Variants in PRKRA observed in about 807,000 individuals in gnomAD.
PRKRA encodes protein activator of interferon induced protein kinase EIF2AK2.
A neutral mutation model predicts 32.4 loss-of-function variants in PRKRA; 22 were observed. That is an observed-to-expected ratio of 0.68 (90% CI 0.49 to 0.97). The LOEUF is 0.97. Ranked by LOEUF, PRKRA falls within the 50% of genes least tolerant of loss-of-function variation. PRKRA has a pLI of 0.00. For missense variants in PRKRA, 319 were observed against 375.6 expected (o/e 0.85, Z 1.25); for synonymous variants, 139 against 129.8 (o/e 1.07, Z -0.48).
chr2:178,439,915 T>C (rs983264245), intron 6 of PRKRA: 18 of 152,194 alleles, frequency 1.2e-4, no homozygotes, highest in African/African-American at 4.3e-4. Context: ...TATTTTAATA[T>C]TGTACTGAAC....
At chr2:178,448,591 CA>C (rs574367993) in intron 2 of PRKRA, among the ~76,000 whole-genome samples, 9 of 144,122 alleles carry the variant, frequency 6.2e-5, no homozygotes, top group African/African-American at 1.3e-4. Flanking sequence ...GACCCTGTCT[CA>C]AAAAAAAAAG....
rs1284502640 is a variant in PRKRA at position 178,450,399 on chromosome 2, C to T, written c.78G>A (p.Met26Ile). ...GTGTTTTCCCTGGCTTAGCTGTTAT[C>T]ATCTTCCCCAAACTGCAAAAACCAC... ...EDSGTFSLGKMITAKPGKTPI... is the reference protein window; with the variant it reads ...EDSGTFSLGKIITAKPGKTPI... The change falls in exon 2 of 8, where the codon ATG becomes ATA. Residue 26 changes from methionine to isoleucine, a missense_variant. Met to Ile is a conservative substitution (Grantham distance 10, BLOSUM62 1). Transcript: ENST00000325748. 1.2e-6 allele frequency: 2 copies of T among 1,614,144 alleles called. No individual in the cohort carries two copies. Among genetic ancestry groups the T allele is most frequent in the African/African-American group, 2.7e-5 (2 of 74,946 alleles).
chr2:178,443,442 G>A (rs1697195810), intron 4 of PRKRA, 58 bp from the exon 5 acceptor site: 2 of 806,924 alleles, frequency 2.5e-6, no homozygotes, highest in Admixed American at 2.5e-5. Context: ...AATCACATAA[G>A]TGTTTTCTTA....
intron 3 of PRKRA, among the ~76,000 whole-genome samples, chr2:178,446,699 C>T (rs1697323077): frequency 6.6e-6 from 1 of 152,100 alleles, no homozygotes; most frequent in African/African-American, 2.4e-5. Context: ...GCTCCAGGAC[C>T]AATATTCTAT....
chr2:178,450,774 C>A, intron 1 of PRKRA, 192 bp downstream of exon 1: 2 of 1,346,836 alleles, frequency 1.5e-6, no homozygotes, highest in Non-Finnish European at 9.5e-7. Flanking sequence ...CCAGGGACCA[C>A]GAGAGGGGCG....
In PRKRA at chr2:178,450,275, A is replaced by G. The variant is rs1445799639; in HGVS notation, c.202T>C (p.Phe68Leu). The G allele has an allele frequency of 1.2e-6, 2 of 1,614,162 alleles. No individual in the cohort carries two copies. The highest frequency in any genetic ancestry group is 1.7e-6 in the Non-Finnish European group (2 of 1,180,060). ...GTTATGTCACCAACGGTTACTCTGAAGGTGAAAGTGGGCACGTGTATTTGC... is the reference window on the plus strand; with the variant it reads ...GTTATGTCACCAACGGTTACTCTGAGGGTGAAAGTGGGCACGTGTATTTGC... ...DVQIHVPTFT[F>L]RVTVGDITCT... The change falls in exon 2 of 8, where the codon TTC (phenylalanine) becomes CTC (leucine). Residue 68 changes from phenylalanine (F) to leucine (L), a missense_variant. Transcript: ENST00000325748.
chr2:178,450,742 C>A, intron 1 of PRKRA: 2 of 1,358,232 alleles, frequency 1.5e-6, no homozygotes, highest in East Asian at 5.7e-5. Flanking sequence ...CCGAGCGTCA[C>A]CTCCGCCCGC....
Position 178,436,197 on chromosome 2 carries a change from C to T in PRKRA, c.732G>A (p.Leu244=), listed in dbSNP as rs373322166. ...CTTGTTCCTTGGCAATTTCACTAAG[C>T]AGCTGGATGTAATCTGTATTTGGAA... The part of the protein sequence containing the change: ...LSIPNTDYIQ[L]LSEIAKEQGF... The change falls in exon 7 of 8, where the codon CTG becomes CTA. Residue 244 remains leucine, a synonymous_variant. Coordinates refer to ENST00000325748, the MANE Select transcript of PRKRA (RefSeq NM_003690.5). 12 of 1,612,506 alleles carry T rather than the reference C, an allele frequency of 7.4e-6. No individual in the cohort carries two copies. In the African/African-American group the frequency reaches 1.6e-4, roughly 22 times the overall value.
At chr2:178,450,672 C>G (rs1412264373) in intron 1 of PRKRA, 3 of 1,424,796 alleles carry the variant, frequency 2.1e-6, no homozygotes, top group Middle Eastern at 2.6e-4. Context: ...CAGAACAGGG[C>G]TGGCAGCAGC....
rs1310589099 is a variant in PRKRA, at chr2:178,451,107, C to T, written c.-77G>A. 22 of 1,481,076 alleles carry T rather than the reference C, an allele frequency of 1.5e-5. No homozygotes were observed. Among genetic ancestry groups the T allele is most frequent in the Non-Finnish European group, 2.0e-5 (22 of 1,109,300 alleles). The allele number at this position is 1,481,076 out of a possible 1,614,324, so 91.7% of individuals were successfully genotyped here. ...GCTCGCTCCCCGGGTCGCTGGTCCCCGGGAGGAGCTCCAGCGCCGCCACCT... is the reference window on the plus strand; with the variant it reads ...GCTCGCTCCCCGGGTCGCTGGTCCCTGGGAGGAGCTCCAGCGCCGCCACCT... On this transcript the variant is annotated 5_prime_UTR_variant, in exon 1 of 8. Transcript: ENST00000325748.
At chr2:178,441,081 AT>A (rs1697095915) in intron 6 of PRKRA, among the ~76,000 whole-genome samples, 3 of 152,134 alleles carry the variant, frequency 2.0e-5, no homozygotes, top group Admixed American at 1.3e-4. Flanking sequence ...TGGCTTAGAC[AT>A]TACTTCTTCC....
chr2:178,432,830 T>C (rs1696725040), intron 7 of PRKRA, among the ~76,000 whole-genome samples: 1 of 152,204 alleles, frequency 6.6e-6, no homozygotes, highest in Non-Finnish European at 1.5e-5. Context: ...TTCATGTTCC[T>C]AGGTTTTAAG....
chr2:178,449,485 TTC>T (rs755866153), intron 2 of PRKRA, among the ~76,000 whole-genome samples: 22 of 152,336 alleles, frequency 1.4e-4, no homozygotes, highest in East Asian at 3.8e-4. Context: ...ATCCAATGTT[TTC>T]TGTGTTTGCA....
rs1697249031 is a variant in PRKRA at position 178,444,636 on chromosome 2, C to A, written c.318-136G>T. The A allele has an allele frequency of 1.4e-5, 10 of 728,708 alleles. No homozygotes were observed. The South Asian group carries it at 1.5e-4, about 11-fold the overall frequency. 45.1% of individuals were successfully genotyped at this position (728,708 alleles called of 1,614,324 possible). Reference sequence around the variant, plus strand: ...CTACATGGAATGCCCTTTTCTCAGACCTCTTCTATGGGAATCTGATCGGTC... The same window carrying A: ...CTACATGGAATGCCCTTTTCTCAGAACTCTTCTATGGGAATCTGATCGGTC... On this transcript the variant is annotated intron_variant, in intron 3 of 7. Transcript: ENST00000325748.
At chr2:178,437,124 T>A (rs1049497682) in intron 6 of PRKRA, among the ~76,000 whole-genome samples, 1 of 152,156 alleles carries the variant, frequency 6.6e-6, no homozygotes, top group African/African-American at 2.4e-5. Context: ...CCAAAAGATT[T>A]TAGAGATGGC....
In PRKRA at chr2:178,432,160, A is replaced by G. The variant is rs138584387; in HGVS notation, c.879T>C (p.Asn293=). 7.4e-6 allele frequency: 12 copies of G among 1,614,106 alleles called. No homozygotes were observed. Among genetic ancestry groups the G allele is most frequent in the Non-Finnish European group, 9.3e-6 (11 of 1,180,050 alleles). Residue 293 remains asparagine, a synonymous_variant, in exon 8 of 8, where the codon AAT becomes AAC. Transcript: ENST00000325748. The part of the protein sequence containing the change: ...VCHGSGISCG[N]AQSDAAHNAL... ...CATTGTGAGCTGCATCACTTTGTGC[A>G]TTGCCACAGGAGATACCGGAGCCAT...
intron 7 of PRKRA, among the ~76,000 whole-genome samples, chr2:178,435,579 C>A (rs1043807240): frequency 6.6e-6 from 1 of 152,080 alleles, no homozygotes; most frequent in Admixed American, 6.5e-5. Flanking sequence ...GACTTGGTTC[C>A]ATTTACCTCC....
chr2:178,442,248 GCTTT>G (rs924426184), intron 5 of PRKRA, among the ~76,000 whole-genome samples: 3 of 152,090 alleles, frequency 2.0e-5, no homozygotes, highest in Non-Finnish European at 4.4e-5. Context: ...TAATAGTTAT[GCTTT>G]CTGTTTTTCT....
chr2:178,449,552 G>A (rs763717106), intron 2 of PRKRA, among the ~76,000 whole-genome samples: 1 of 152,186 alleles, frequency 6.6e-6, no homozygotes, highest in African/African-American at 2.4e-5. Context: ...AGCAACTTTA[G>A]TTATCATTTG....
Sources: gnomAD v4.1 joint callset for allele counts (sites outside exome capture counted in the v4.1 genomes callset) on GRCh38, gnomAD v4.1.1 for gene constraint, MANE v1.5 for transcripts, NCBI Gene and HGNC (gene_info 2026-07-23, HGNC 2026-07-21) for gene names.